HEPH: variants seen among roughly 807,000 people sequenced by gnomAD.
HEPH encodes the protein hephaestin.
A neutral mutation model predicts 80.8 loss-of-function variants in HEPH; 69 were observed. The observed-to-expected ratio is 0.85, with a 90% confidence interval of 0.70 to 1.04. HEPH has a LOEUF of 1.04. Among genes scored for constraint, HEPH ranks in the 50% least tolerant of loss-of-function variants. HEPH has a pLI of 0.00. For synonymous variants in HEPH, 431 were observed against 322.8 expected, an observed-to-expected ratio of 1.34 and a Z score of -3.60; for missense variants, 1,115 against 891.3, an observed-to-expected ratio of 1.25 and a Z score of -3.20.
chrX:66,227,260 C>T (rs1252250152), intron 15 of HEPH, among the ~76,000 whole-genome samples: 1 of 111,598 alleles, frequency 9.0e-6, no homozygotes, highest in Admixed American at 9.5e-5. Flanking sequence ...ATAGAAGGCG[C>T]ATACCTTAAG....
intron 15 of HEPH, among the ~76,000 whole-genome samples, chrX:66,223,545 C>T (rs2089745696): frequency 9.0e-6 from 1 of 111,417 alleles, no homozygotes; most frequent in African/African-American, 3.3e-5. Context: ...TTTATAGACT[C>T]TTTTTAACCT....
intron 15 of HEPH, among the ~76,000 whole-genome samples, chrX:66,215,607 T>C (rs1387243903): frequency 6.3e-5 from 7 of 111,104 alleles, no homozygotes; most frequent in Non-Finnish European, 3.8e-5. Flanking sequence ...ATCTTCGGGG[T>C]GGAGGAGAAA....
intron 14 of HEPH, 84 bp from the exon 15 acceptor site, chrX:66,208,031 C>T (rs1368997590): frequency 1.5e-6 from 1 of 679,904 alleles, no homozygotes; most frequent in Non-Finnish European, 2.2e-6. Context: ...CTATGAAGTG[C>T]TCATATATGT....
rs917376134 is a variant in HEPH, at chrX:66,208,243, C to A, written c.2560C>A (p.Pro854Thr). 2 of 1,206,330 alleles carry A rather than the reference C, an allele frequency of 1.7e-6. No individual in the cohort carries two copies. Among genetic ancestry groups the A allele is most frequent in the Non-Finnish European group, 2.2e-6 (2 of 892,681 alleles). ...TACTGTCTGGCCACTGGCTGCTGAG[C>A]CTGGTGAGTGGGGACACTTAGTGAA... is the stretch of plus-strand genomic sequence containing the variant. ...STTVWPLAAEPGEVVTYQWNI... is the reference protein window; with the variant it reads ...STTVWPLAAETGEVVTYQWNI... The change falls in exon 15 of 21, where the codon CCT (proline) becomes ACT (threonine). Residue 854 changes from proline to threonine, a missense_variant. Coordinates refer to ENST00000343002, the MANE Select transcript of HEPH (RefSeq NM_001367233.3).
chrX:66,208,382 G>T, intron 15 of HEPH, 136 bp downstream of exon 15: 2 of 596,881 alleles, frequency 3.4e-6, no homozygotes, highest in Non-Finnish European at 5.0e-6. Context: ...AGTTTGAGAG[G>T]CTGAGGCGGG....
chrX:66,198,828 G>T (rs1324149530), intron 10 of HEPH, 50 bp from the exon 11 acceptor site: 2 of 991,894 alleles, frequency 2.0e-6, no homozygotes, highest in Non-Finnish European at 2.8e-6. Context: ...GTCTACAACT[G>T]CTGAAACTAT....
intron 11 of HEPH, 112 bp downstream of exon 11, chrX:66,199,140 C>A: frequency 1.3e-6 from 1 of 765,865 alleles, no homozygotes; most frequent in Non-Finnish European, 1.9e-6. Flanking sequence ...CATCTCTGTC[C>A]AAGAGGCGAG....
chrX:66,244,539 C>A (rs867473903), intron 15 of HEPH, among the ~76,000 whole-genome samples: 1 of 111,354 alleles, frequency 9.0e-6, no homozygotes, highest in Non-Finnish European at 1.9e-5. Flanking sequence ...TGCCTATTTT[C>A]TTTTATCTCC....
chrX:66,168,801 T>G (rs888318890), intron 1 of HEPH, among the ~76,000 whole-genome samples: 2 of 111,995 alleles, frequency 1.8e-5, no homozygotes, highest in Non-Finnish European at 3.8e-5. Flanking sequence ...ATGGTGCTAC[T>G]ATGTAATGAT....
chrX:66,250,454 A>G (rs767392215), intron 15 of HEPH, among the ~76,000 whole-genome samples: 1 of 111,466 alleles, frequency 9.0e-6, no homozygotes, highest in South Asian at 3.8e-4. Context: ...TAGCACATGA[A>G]TAGATTAGTA....
At chrX:66,164,080 A>G (rs1299157062), upstream of HEPH, 1 of 262,331 alleles carries the variant, frequency 3.8e-6, no homozygotes, top group Non-Finnish European at 5.2e-6. Context: ...CCACACTGAC[A>G]GTGTTCTCCT....
chrX:66,200,540 C>A lies in HEPH; in HGVS notation c.1865C>A (p.Ala622Asp). The A allele has an allele frequency of 8.4e-7, 1 of 1,191,672 alleles. No homozygotes were observed. Among genetic ancestry groups the A allele is most frequent in the Non-Finnish European group, 1.1e-6 (1 of 884,041 alleles). Residue 622 changes from alanine to aspartate, a missense_variant and splice_region_variant, in exon 12 of 21, where the codon GCC becomes GAC. Around this residue, in one of 3 missense-constraint regions of HEPH, gnomAD observed 716 missense variants for 523.5 expected, o/e 1.37. Transcript: ENST00000343002. ...CTTGTCTTGTGTTTTTGTTTTCCAG[C>A]CATTAATGGGTTTCTGTTCTCTAAC... is the stretch of plus-strand genomic sequence containing the variant. Reference protein sequence around the residue: ...EGFQDSNRMHAINGFLFSNLP... With the variant: ...EGFQDSNRMHDINGFLFSNLP...
At chrX:66,179,019 C>T (rs1275648353) in intron 4 of HEPH, among the ~76,000 whole-genome samples, 1 of 111,507 alleles carries the variant, frequency 9.0e-6, no homozygotes, top group African/African-American at 3.3e-5. Flanking sequence ...AAGTCCTTGC[C>T]CATGCCTATG....
rs2091133199 is a variant in HEPH at position 66,255,124 on chromosome X, G to T, written c.2653G>T (p.Ala885Ser). ...TTGTGTTTCCTGGATCTATTATTCTGCAGTGGATCCCATCAAGGTAAATAC... is the reference window on the plus strand; with the variant it reads ...TTGTGTTTCCTGGATCTATTATTCTTCAGTGGATCCCATCAAGGTAAATAC... ...SACVSWIYYS[A>S]VDPIKDMYSG... The change falls in exon 16 of 21, where the codon GCA (alanine) becomes TCA (serine). Residue 885 changes from alanine (A) to serine (S), a missense_variant. By Grantham distance (99) the Ala-to-Ser change is moderately conservative. Around this residue, in one of 3 missense-constraint regions of HEPH, gnomAD observed 716 missense variants for 523.5 expected, o/e 1.37. Coordinates refer to ENST00000343002, the MANE Select transcript of HEPH (RefSeq NM_001367233.3). The T allele has an allele frequency of 4.2e-6, 5 of 1,197,859 alleles. No individual in the cohort carries two copies. The Admixed American group carries it at 8.7e-5, about 21-fold the overall frequency.
At chrX:66,253,434 T>G in intron 15 of HEPH, among the ~76,000 whole-genome samples, 1 of 112,307 alleles carries the variant, frequency 8.9e-6, no homozygotes, top group Non-Finnish European at 1.9e-5. Flanking sequence ...CTAGGATAAC[T>G]AAAATAAAAG....
At chrX:66,208,079 A>G (rs750924461) in intron 14 of HEPH, 36 bp from the exon 15 acceptor site, 1 of 1,079,434 alleles carries the variant, frequency 9.3e-7, no homozygotes. Flanking sequence ...TGCATTAATG[A>G]AACTTTATTT....
intron 4 of HEPH, among the ~76,000 whole-genome samples, chrX:66,178,190 C>T (rs2086904016): frequency 9.0e-6 from 1 of 111,080 alleles, no homozygotes; most frequent in Admixed American, 9.6e-5. Context: ...TGAGAACATG[C>T]AGTGTTTGGT....
In HEPH at chrX:66,197,840, G is replaced by A; in HGVS notation, c.1659G>A (p.Leu553=). ...ADPIRDTNSG[L]VGPLLVCRAG... ...CCATAAGAGACACAAATTCTGGCCT[G>A]GTGGGCCCGCTGCTGGTGTGCAGGG... Residue 553 remains leucine, a synonymous_variant, in exon 10 of 21, where the codon CTG becomes CTA. Coordinates refer to ENST00000343002, the MANE Select transcript of HEPH (RefSeq NM_001367233.3). The A allele has an allele frequency of 8.3e-7, 1 of 1,209,155 alleles. No individual in the cohort carries two copies. Among genetic ancestry groups the A allele is most frequent in the Non-Finnish European group, 1.1e-6 (1 of 894,225 alleles).
intron 15 of HEPH, among the ~76,000 whole-genome samples, chrX:66,221,448 A>G (rs2089642992): frequency 8.9e-6 from 1 of 112,832 alleles, no homozygotes; most frequent in Non-Finnish European, 1.9e-5. Flanking sequence ...CATTAAAGTT[A>G]CCACAGCATG....
Sources: gnomAD v4.1 joint callset for allele counts (sites outside exome capture counted in the v4.1 genomes callset) on GRCh38, gnomAD v4.1.1 for gene constraint, gnomAD v4.1.1 regional missense constraint, MANE v1.5 for transcripts, NCBI Gene and HGNC (gene_info 2026-07-23, HGNC 2026-07-21) for gene names.